GSPT1: variants seen among roughly 807,000 people sequenced by gnomAD.
GSPT1 encodes the protein G1 to S phase transition 1.
A neutral mutation model predicts 72.5 loss-of-function variants in GSPT1; 20 were observed. The observed-to-expected ratio is 0.28, with a 90% CI of 0.19 to 0.40. The LOEUF is 0.40. Among genes scored for constraint, GSPT1 ranks in the 10% least tolerant of loss-of-function variants. The pLI, the probability that GSPT1 is intolerant of heterozygous loss-of-function variation, is 1.00. For synonymous variants in GSPT1, 334 were observed against 293.5 expected (o/e 1.14, Z -1.41); for missense variants, 580 against 811.9 (o/e 0.71, Z 3.47).
intron 14 of GSPT1, among the ~76,000 whole-genome samples, chr16:11,874,375 G>A (rs972666255): frequency 2.7e-5 from 4 of 149,310 alleles, no homozygotes; most frequent in African/African-American, 9.8e-5. Context: ...CAGTGAACAC[G>A]TCCTTCTGGT....
At chr16:11,916,140 C>T (rs567123467), upstream of GSPT1, 7 of 380,328 alleles carry the variant, frequency 1.8e-5, no homozygotes, top group Admixed American at 2.4e-4. Context: ...CGCGCTACCC[C>T]GCTGCGGTTT....
At chr16:11,911,064 C>G (rs182471923) in intron 1 of GSPT1, among the ~76,000 whole-genome samples, 50 of 152,356 alleles carry the variant, frequency 3.3e-4, no homozygotes, top group Admixed American at 2.4e-3. Context: ...TCTACCCCAT[C>G]TGCTGTCCCA....
intron 1 of GSPT1, among the ~76,000 whole-genome samples, chr16:11,905,836 C>T (rs1019470013): frequency 7.2e-5 from 11 of 152,004 alleles, no homozygotes; most frequent in African/African-American, 2.7e-4. Flanking sequence ...GAGACTCTGT[C>T]TCAAAAATAA....
intron 11 of GSPT1, among the ~76,000 whole-genome samples, chr16:11,879,395 A>G (rs2054091413): frequency 6.6e-6 from 1 of 150,480 alleles, no homozygotes; most frequent in Non-Finnish European, 1.5e-5. Context: ...CTCCGTCTCA[A>G]AAAAAAAAGA....
intron 5 of GSPT1, among the ~76,000 whole-genome samples, chr16:11,892,512 AACAAAAAAAAC>A (rs1302966430): frequency 7.6e-6 from 1 of 131,762 alleles, no homozygotes; most frequent in Non-Finnish European, 1.6e-5. Flanking sequence ...TTCTCAAAAA[AACAAAAAAAAC>A]AAAAAAAACA....
chr16:11,869,894 T>C lies in GSPT1; in HGVS notation c.*3225A>G, dbSNP rs561847093. ...TTTTTTCTTGGGTTGCAAAACTGCA[T>C]CTGGCTGCAAGTCTAACCCAAAATA... On this transcript the variant is annotated 3_prime_UTR_variant, in exon 15 of 15. Coordinates refer to ENST00000434724, the MANE Select transcript of GSPT1 (RefSeq NM_002094.4). 1 of 152,336 alleles carries C rather than the reference T, an allele frequency of 6.6e-6. No homozygotes were observed. Among genetic ancestry groups the C allele is most frequent in the East Asian group, 1.9e-4 (1 of 5,188 alleles). The allele number at this position is 152,336 out of a possible 1,614,324, so 9.4% of individuals were successfully genotyped here.
chr16:11,897,737 A>G (rs1013903363), intron 3 of GSPT1, 103 bp downstream of exon 3: 46 of 694,368 alleles, frequency 6.6e-5, no homozygotes, highest in Non-Finnish European at 1.1e-5. Context: ...AATGTGTCTT[A>G]AATGTAGGCA....
At chr16:11,908,491 TG>T (rs1193284683) in intron 1 of GSPT1, 4 of 49,540 alleles carry the variant, frequency 8.1e-5, no homozygotes, top group Admixed American at 1.8e-4. Context: ...CCGGGCGCGG[TG>T]GCTCACGCCT....
rs1596480341 is a variant in GSPT1 at position 11,915,086 on chromosome 16, G to A, written c.352+283C>T. 1.4e-5 allele frequency: 18 copies of A among 1,290,216 alleles called. No individual in the cohort carries two copies. In the East Asian group the frequency reaches 5.7e-4, roughly 41 times the overall value. 79.9% of individuals were successfully genotyped at this position (1,290,216 alleles called of 1,614,324 possible). A position where few individuals can be genotyped will look rare whatever the true frequency, so the allele number is the denominator to read the frequency against. ...TTCCATACGGTTCCCATCTCAAGTG[G>A]GTAACTGCGGACTCCAGAGCAGGGC... On this transcript the variant is annotated intron_variant, in intron 1 of 14. Transcript: ENST00000434724.
rs535063308 is a variant in GSPT1, at chr16:11,901,311, T to C, written c.353-3276A>G. Among the ~76,000 whole-genome samples, 17 of 152,248 alleles carry C rather than the reference T, an allele frequency of 1.1e-4. 1 individual carries two copies. In the South Asian group the frequency reaches 3.3e-3, roughly 30 times the overall value. On this transcript the variant is annotated intron_variant, in intron 1 of 14. Coordinates refer to ENST00000434724, the MANE Select transcript of GSPT1 (RefSeq NM_002094.4). ...AGCCTGGGCTTAGAATTTTCCGAGG[T>C]TGAACTGTTCATGGCTAGGAAATAG...
intron 6 of GSPT1, among the ~76,000 whole-genome samples, chr16:11,888,109 C>A (rs936031704): frequency 6.6e-6 from 1 of 152,008 alleles, no homozygotes; most frequent in Non-Finnish European, 1.5e-5. Flanking sequence ...GAGCCAAGAC[C>A]GTGCCATTGC....
chr16:11,907,362 T>C (rs2054502604), intron 1 of GSPT1, among the ~76,000 whole-genome samples: 1 of 152,226 alleles, frequency 6.6e-6, no homozygotes, highest in African/African-American at 2.4e-5. Flanking sequence ...CTAAGTTATT[T>C]AGCTTTACTG....
At chr16:11,886,646 T>C (rs899394408) in intron 8 of GSPT1, 35 bp from the exon 9 acceptor site, 2 of 1,579,716 alleles carry the variant, frequency 1.3e-6, no homozygotes, top group Non-Finnish European at 8.7e-7. Context: ...AACTCAATTA[T>C]AATGTAAACC....
chr16:11,887,517 T>C lies in GSPT1; in HGVS notation c.957+53A>G, dbSNP rs2054199598. The C allele has an allele frequency of 9.2e-6, 13 of 1,405,820 alleles. No homozygotes were observed. In the South Asian group the frequency reaches 1.1e-4, roughly 12 times the overall value. The allele number at this position is 1,405,820 out of a possible 1,614,324, so 87.1% of individuals were successfully genotyped here. ...TAGAAGATAAATTCAAATTTAAAGATATAAGCGGGGCTACTAACAAATATA... is the reference window on the plus strand; with the variant it reads ...TAGAAGATAAATTCAAATTTAAAGACATAAGCGGGGCTACTAACAAATATA... On this transcript the variant is annotated intron_variant, in intron 7 of 14. Coordinates refer to ENST00000434724, the MANE Select transcript of GSPT1 (RefSeq NM_002094.4).
Position 11,872,775 on chromosome 16 carries a change from A to G in GSPT1, c.*344T>C, listed in dbSNP as rs746383781. On this transcript the variant is annotated 3_prime_UTR_variant, in exon 15 of 15. Transcript: ENST00000434724. ...ATGATCTGCCTGGGGGAAAAATACT[A>G]AATATGCCTAAGGGGAAAATGAAAA... The G allele has an allele frequency of 9.8e-5, 20 of 204,730 alleles. No homozygotes were observed. The highest frequency in any genetic ancestry group is 1.8e-4 in the Non-Finnish European group (18 of 102,336). The allele number at this position is 204,730 out of a possible 1,614,324, so 12.7% of individuals were successfully genotyped here.
intron 1 of GSPT1, among the ~76,000 whole-genome samples, chr16:11,913,814 T>C (rs780931919): frequency 1.3e-5 from 2 of 152,166 alleles, no homozygotes; most frequent in Non-Finnish European, 2.9e-5. Context: ...GAGGAAAACA[T>C]TGTCTAGAGC....
intron 12 of GSPT1, among the ~76,000 whole-genome samples, chr16:11,876,915 G>T (rs1440936186): frequency 1.3e-5 from 2 of 152,088 alleles, no homozygotes; most frequent in African/African-American, 2.4e-5. Context: ...CTTACATCTG[G>T]CATCAAAATC....
chr16:11,915,604 G>A lies in GSPT1; in HGVS notation c.117C>T (p.Pro39=). 1 of 1,490,346 alleles carries A rather than the reference G, an allele frequency of 6.7e-7. No homozygotes were observed. The highest frequency in any genetic ancestry group is 1.5e-5 in the African/African-American group (1 of 67,880). 92.3% of individuals were successfully genotyped at this position (1,490,346 alleles called of 1,614,324 possible). A position where few individuals can be genotyped will look rare whatever the true frequency, so the allele number is the denominator to read the frequency against. The part of the protein sequence containing the change: ...DCWDQADMEA[P]GPGPCGGGGS... ...CGCCGCCGCCGCAAGGGCCCGGCCC[G>A]GGGGCTTCCATGTCCGCCTGGTCCC... Residue 39 remains proline, a synonymous_variant, in exon 1 of 15, where the codon CCC becomes CCT. Coordinates refer to ENST00000434724, the MANE Select transcript of GSPT1 (RefSeq NM_002094.4).
At chr16:11,911,187 T>G (rs1567453605) in intron 1 of GSPT1, among the ~76,000 whole-genome samples, 3 of 152,222 alleles carry the variant, frequency 2.0e-5, no homozygotes, top group Non-Finnish European at 4.4e-5. Context: ...AGATAGAATT[T>G]AACATATTAA....
Sources: allele counts gnomAD v4.1 joint callset (sites outside exome capture counted in the v4.1 genomes callset), GRCh38; gene constraint gnomAD v4.1.1; transcripts MANE v1.5; gene names NCBI Gene and HGNC (gene_info 2026-07-23, HGNC 2026-07-21).